Variants in DDX6 observed in about 807,000 individuals in gnomAD.
DDX6 encodes DEAD-box helicase 6, also known as probable ATP-dependent RNA helicase DDX6.
In DDX6, 7 loss-of-function variants were observed where a neutral mutation model predicts 60.6. That is an observed-to-expected ratio of 0.12 (90% CI 0.07 to 0.22). The LOEUF is 0.22. Ranked by LOEUF, DDX6 falls within the 10% of genes least tolerant of loss-of-function variation. The pLI, the probability that DDX6 is intolerant of heterozygous loss-of-function variation, is 1.00. For missense variants in DDX6, 270 were observed against 589.9 expected (o/e 0.46, Z 5.62); for synonymous variants, 207 against 201.0 (o/e 1.03, Z -0.25).
At chr11:118,780,790 G>A (rs1355152971) in intron 3 of DDX6, among the ~76,000 whole-genome samples, 1 of 152,156 alleles carries the variant, frequency 6.6e-6, no homozygotes, top group Non-Finnish European at 1.5e-5. Flanking sequence ...GACACTTTGG[G>A]CCACAAAATT....
chr11:118,765,144 T>C (rs538390514), intron 6 of DDX6, 65 bp downstream of exon 6: 1 of 1,557,422 alleles, frequency 6.4e-7, no homozygotes, highest in African/African-American at 1.4e-5. Flanking sequence ...TTTTTAATAA[T>C]TTACTGAAAT....
intron 5 of DDX6, 101 bp from the exon 6 acceptor site, chr11:118,765,456 CGCCTT>C: frequency 3.2e-6 from 4 of 1,264,846 alleles, no homozygotes; most frequent in Non-Finnish European, 4.5e-6. Context: ...AGAAATACTG[CGCCTT>C]ATGATGCAGT....
Position 118,754,845 on chromosome 11 carries a change from T to C in DDX6, c.1319A>G (p.Tyr440Cys). 6.2e-7 allele frequency: 1 copy of C among 1,612,728 alleles called. No individual in the cohort carries two copies. The highest frequency in any genetic ancestry group is 1.7e-5 in the Admixed American group (1 of 59,674). ...HLGLAINLIT[Y>C]DDRFNLKSIE... ...ACTTTTCAGGTTGAAGCGATCATCA[T>C]ATGTGATCAAGTTGATGGCTAAGCC... Residue 440 changes from tyrosine to cysteine, a missense_variant, in exon 13 of 14, where the codon TAT becomes TGT. Physicochemically the swap from Tyr to Cys is radical, Grantham distance 194. This residue lies in a region of DDX6 where 34 missense variants were observed against 59.4 expected (regional missense o/e 0.57). Coordinates refer to ENST00000534980, the MANE Select transcript of DDX6 (RefSeq NM_004397.6).
chr11:118,789,241 A>G (rs1427668665), intron 1 of DDX6: 1 of 151,762 alleles, frequency 6.6e-6, no homozygotes, highest in African/African-American at 2.4e-5. Context: ...ACGCGCAGCT[A>G]AATTTTTTCT....
intron 9 of DDX6, among the ~76,000 whole-genome samples, chr11:118,757,594 T>TA (rs1297732326): frequency 6.9e-6 from 1 of 145,602 alleles, no homozygotes; most frequent in Non-Finnish European, 1.5e-5. Flanking sequence ...TATTTTATTT[T>TA]ATTTTTTTTT....
intron 3 of DDX6, among the ~76,000 whole-genome samples, chr11:118,780,248 C>T (rs955760536): frequency 2.7e-5 from 4 of 150,706 alleles, no homozygotes; most frequent in African/African-American, 7.3e-5. Context: ...TGAAGAAAAA[C>T]CACTGTCCCT....
chr11:118,770,643 A>C (rs1382513633), intron 4 of DDX6, among the ~76,000 whole-genome samples: 1 of 152,102 alleles, frequency 6.6e-6, no homozygotes, highest in Non-Finnish European at 1.5e-5. Flanking sequence ...TAATCCCAGC[A>C]CTTTGGGAGG....
chr11:118,747,901 G>GGC lies in DDX6; in HGVS notation c.*4203_*4204insGC, dbSNP rs1352818982. Reference sequence around the variant, plus strand: ...CATAACACATCCCAACAAAAACAGAGCCCCCCCCCCCCCCACTGGAACATC... The same window carrying GGC: ...CATAACACATCCCAACAAAAACAGAGGCCCCCCCCCCCCCCCACTGGAACATC... On this transcript the variant is annotated 3_prime_UTR_variant, in exon 14 of 14. Coordinates refer to ENST00000534980, the MANE Select transcript of DDX6 (RefSeq NM_004397.6). 10 of 101,202 alleles carry GGC rather than the reference G, an allele frequency of 9.9e-5. No individual in the cohort carries two copies. Among genetic ancestry groups the GGC allele is most frequent in the Non-Finnish European group, 1.7e-4 (9 of 51,568 alleles). 6.3% of individuals were successfully genotyped at this position (101,202 alleles called of 1,614,324 possible).
At chr11:118,787,101 C>G (rs187046712) in intron 1 of DDX6, 2 of 152,184 alleles carry the variant, frequency 1.3e-5, no homozygotes, top group African/African-American at 4.8e-5. Flanking sequence ...CTTTGAGAGG[C>G]CAATGCGGGC....
intron 2 of DDX6, among the ~76,000 whole-genome samples, chr11:118,783,620 G>A (rs1861975358): frequency 6.8e-6 from 1 of 147,980 alleles, no homozygotes; most frequent in South Asian, 2.1e-4. Context: ...CTGCAAACAT[G>A]ATGAAATCTC....
At chr11:118,764,502 T>C (rs1408194709) in intron 6 of DDX6, among the ~76,000 whole-genome samples, 4 of 152,198 alleles carry the variant, frequency 2.6e-5, no homozygotes, top group East Asian at 1.9e-4. Flanking sequence ...TCAGGAAAGA[T>C]TCTTAAAAAT....
Position 118,786,110 on chromosome 11 carries a change from T to C in DDX6, c.142A>G (p.Thr48Ala), listed in dbSNP as rs762493158. 8.7e-6 allele frequency: 14 copies of C among 1,613,892 alleles called. No individual in the cohort carries two copies. The highest frequency in any genetic ancestry group is 7.6e-6 in the Non-Finnish European group (9 of 1,179,896). The change falls in exon 2 of 14, where the codon ACC (threonine) becomes GCC (alanine). Residue 48 changes from threonine (T) to alanine (A), a missense_variant. By Grantham distance (58) the Thr-to-Ala change is moderately conservative. Coordinates refer to ENST00000534980, the MANE Select transcript of DDX6 (RefSeq NM_004397.6). ...TGAGTGCCATTATTGATTGTGTTGG[T>C]GTTTTTCAGCTGGTTCATCTGTTGC... is the stretch of plus-strand genomic sequence containing the variant. ...TQQQMNQLKN[T>A]NTINNGTQQQ...
At chr11:118,775,241 G>A (rs888051959) in intron 4 of DDX6, among the ~76,000 whole-genome samples, 7 of 152,204 alleles carry the variant, frequency 4.6e-5, no homozygotes, top group East Asian at 3.9e-4. Flanking sequence ...GCTTGAACCC[G>A]GGAGGCAGAG....
chr11:118,768,792 T>C (rs1050540508), intron 4 of DDX6, among the ~76,000 whole-genome samples: 6 of 151,958 alleles, frequency 3.9e-5, no homozygotes, highest in Non-Finnish European at 8.8e-5. Context: ...GGGGATCACT[T>C]GAGCCCAGGA....
chr11:118,750,114 T>C lies in DDX6; in HGVS notation c.*1991A>G, dbSNP rs1463679973. ...AAAAGAGTTAAAACATTAAAGTATA[T>C]GCGGGACTTATTTTGTAATATTTTA... On this transcript the variant is annotated 3_prime_UTR_variant, in exon 14 of 14. Transcript: ENST00000534980. The C allele has an allele frequency of 5.2e-5, 8 of 152,554 alleles. No individual in the cohort carries two copies. The highest frequency in any genetic ancestry group is 1.9e-4 in the East Asian group (1 of 5,198). The allele number at this position is 152,554 out of a possible 1,614,324, so 9.5% of individuals were successfully genotyped here.
intron 3 of DDX6, among the ~76,000 whole-genome samples, chr11:118,780,279 T>A (rs1297723656): frequency 2.6e-5 from 4 of 152,112 alleles, no homozygotes; most frequent in African/African-American, 9.7e-5. Context: ...ACAAGCTTTT[T>A]AAAAAACTAT....
At chr11:118,768,559 A>G (rs1210163982) in intron 4 of DDX6, among the ~76,000 whole-genome samples, 1 of 152,172 alleles carries the variant, frequency 6.6e-6, no homozygotes, top group African/African-American at 2.4e-5. Flanking sequence ...ATTTACCAGA[A>G]CTGCTCACAG....
chr11:118,788,941 A>G (rs1337496742), intron 1 of DDX6: 1 of 152,130 alleles, frequency 6.6e-6, no homozygotes. Context: ...TTAGCCTCCT[A>G]AAGTGCTAGG....
chr11:118,771,713 T>C (rs1429963598), intron 4 of DDX6, among the ~76,000 whole-genome samples: 2 of 152,240 alleles, frequency 1.3e-5, no homozygotes, highest in Non-Finnish European at 2.9e-5. Flanking sequence ...ACTGACAAAA[T>C]GGATCCTAAA....
Sources: gnomAD v4.1 joint callset for allele counts (sites outside exome capture counted in the v4.1 genomes callset) on GRCh38, gnomAD v4.1.1 for gene constraint, gnomAD v4.1.1 regional missense constraint, MANE v1.5 for transcripts, NCBI Gene and HGNC (gene_info 2026-07-23, HGNC 2026-07-21) for gene names.